Variants in KCNU1 observed in about 807,000 individuals in gnomAD.
KCNU1 encodes potassium calcium-activated channel subfamily U member 1, also known as potassium channel subfamily U member 1.
KCNU1 carries 93 observed loss-of-function variants against 126.8 expected under a neutral mutation model. The observed-to-expected ratio is 0.73, with a 90% confidence interval of 0.62 to 0.87. KCNU1 has a LOEUF of 0.87. Among genes scored for constraint, KCNU1 ranks in the 40% least tolerant of loss-of-function variants. KCNU1 has a pLI of 0.00. For synonymous variants in KCNU1, 523 were observed against 494.2 expected (o/e 1.06, Z -0.77); for missense variants, 1,330 against 1,367.1 (o/e 0.97, Z 0.43).
At chr8:36,886,604 T>C (rs760531893) in intron 19 of KCNU1, among the ~76,000 whole-genome samples, 1 of 152,154 alleles carries the variant, frequency 6.6e-6, no homozygotes, top group Non-Finnish European at 1.5e-5. Flanking sequence ...GCTATGGATA[T>C]GCATGCAACA....
chr8:36,882,520 A>G (rs999957139), intron 19 of KCNU1, among the ~76,000 whole-genome samples: 12 of 152,112 alleles, frequency 7.9e-5, no homozygotes, highest in Non-Finnish European at 1.6e-4. Flanking sequence ...GGACATTTGC[A>G]TAAACCCCAT....
chr8:36,811,199 G>A (rs1485364227), intron 7 of KCNU1, among the ~76,000 whole-genome samples: 3 of 151,956 alleles, frequency 2.0e-5, no homozygotes, highest in Non-Finnish European at 4.4e-5. Context: ...ATATCATTAG[G>A]GTATTACAGA....
intron 19 of KCNU1, among the ~76,000 whole-genome samples, chr8:36,872,372 A>T (rs1295054752): frequency 6.6e-6 from 1 of 152,114 alleles, no homozygotes; most frequent in African/African-American, 2.4e-5. Flanking sequence ...AGCCTATCGC[A>T]TGCTATGCTA....
chr8:36,902,321 TGA>T (rs1807450915), intron 19 of KCNU1, among the ~76,000 whole-genome samples: 1 of 152,286 alleles, frequency 6.6e-6, no homozygotes, highest in East Asian at 1.9e-4. Flanking sequence ...TTCCCTATTC[TGA>T]GTCATGTTAA....
At chr8:36,882,103 C>A (rs1482479920) in intron 19 of KCNU1, among the ~76,000 whole-genome samples, 1 of 152,308 alleles carries the variant, frequency 6.6e-6, no homozygotes, top group Non-Finnish European at 1.5e-5. Flanking sequence ...CTTACCACAC[C>A]TCTTGACTCC....
chr8:36,800,222 A>C (rs777690170), intron 2 of KCNU1, among the ~76,000 whole-genome samples: 5 of 152,112 alleles, frequency 3.3e-5, no homozygotes, highest in Non-Finnish European at 5.9e-5. Context: ...TGGTATGTTA[A>C]TATGCCCAAG....
intron 16 of KCNU1, among the ~76,000 whole-genome samples, chr8:36,845,211 C>A (rs1041258439): frequency 2.0e-5 from 3 of 152,132 alleles, no homozygotes; most frequent in African/African-American, 4.8e-5. Flanking sequence ...TGACGCTAAG[C>A]CTGGCAATTG....
At chr8:36,830,136 T>A (rs1804477716) in intron 10 of KCNU1, among the ~76,000 whole-genome samples, 1 of 150,210 alleles carries the variant, frequency 6.7e-6, no homozygotes, top group African/African-American at 2.4e-5. Context: ...TGTAAATCTT[T>A]ATAAATAAAA....
chr8:36,847,034 TC>T (rs1465566823), intron 18 of KCNU1, among the ~76,000 whole-genome samples: 1 of 152,180 alleles, frequency 6.6e-6, no homozygotes, highest in Non-Finnish European at 1.5e-5. Flanking sequence ...CTCCTGAGGT[TC>T]CTCATTAACT....
At chr8:36,896,555 A>T (rs1807195987) in intron 19 of KCNU1, among the ~76,000 whole-genome samples, 1 of 152,096 alleles carries the variant, frequency 6.6e-6, no homozygotes, top group Admixed American at 6.6e-5. Flanking sequence ...AGTACAGCAG[A>T]TAAAGGAATC....
chr8:36,849,199 C>CA (rs926566833), intron 18 of KCNU1, among the ~76,000 whole-genome samples: 17 of 151,392 alleles, frequency 1.1e-4, no homozygotes, highest in East Asian at 1.9e-4. Context: ...ATTTCACACA[C>CA]AAAAAAAACA....
intron 19 of KCNU1, among the ~76,000 whole-genome samples, chr8:36,871,541 C>T (rs1806103496): frequency 6.6e-6 from 1 of 152,112 alleles, no homozygotes; most frequent in Admixed American, 6.6e-5. Flanking sequence ...TTCTTAAAAG[C>T]ATCAGAATTG....
At chr8:36,882,916 T>G (rs1319391652) in intron 19 of KCNU1, among the ~76,000 whole-genome samples, 2 of 152,212 alleles carry the variant, frequency 1.3e-5, no homozygotes, top group Non-Finnish European at 2.9e-5. Context: ...TATTGCATCA[T>G]TCTATAAAAT....
At chr8:36,832,358 C>T (rs1804584905) in intron 10 of KCNU1, among the ~76,000 whole-genome samples, 2 of 152,104 alleles carry the variant, frequency 1.3e-5, no homozygotes, top group African/African-American at 2.4e-5. Context: ...GTCAATATGG[C>T]CATTTTCACG....
intron 23 of KCNU1, among the ~76,000 whole-genome samples, chr8:36,920,117 A>G (rs1229552418): frequency 6.6e-6 from 1 of 152,050 alleles, no homozygotes; most frequent in Non-Finnish European, 1.5e-5. Context: ...CTCCCCTTTG[A>G]ACCATCTCTA....
intron 24 of KCNU1, chr8:36,928,814 G>T (rs185270769): frequency 1.9e-6 from 1 of 539,492 alleles, no homozygotes; most frequent in Admixed American, 3.6e-5. Context: ...AGGAAGTATT[G>T]CTCAGTCTGA....
chr8:36,794,446 T>C (rs1405167831), intron 2 of KCNU1, among the ~76,000 whole-genome samples: 1 of 152,194 alleles, frequency 6.6e-6, no homozygotes, highest in African/African-American at 2.4e-5. Flanking sequence ...CATACACATA[T>C]GTATAATTAA....
At position 36,838,633 on chromosome 8, in the gene KCNU1, G is replaced by T. The variant is rs185923437; in HGVS notation, c.1518+1688G>T. ...AGTTGCTTGAACCCAGGAGGTGGGGGTTGCAGTGAGCTGAGATCACGCCAC... is the reference window on the plus strand; with the variant it reads ...AGTTGCTTGAACCCAGGAGGTGGGGTTTGCAGTGAGCTGAGATCACGCCAC... On this transcript the variant is annotated intron_variant, in intron 14 of 26. Transcript: ENST00000399881. Among the ~76,000 whole-genome samples, 1,164 of 152,182 alleles carry T rather than the reference G, an allele frequency of 7.6e-3. 4 individuals carry two copies. Among genetic ancestry groups the T allele is most frequent in the Non-Finnish European group, 0.013 (889 of 68,018 alleles).
At chr8:36,807,631 C>A (rs1326257802) in intron 6 of KCNU1, among the ~76,000 whole-genome samples, 181 bp downstream of exon 6, 2 of 151,656 alleles carry the variant, frequency 1.3e-5, no homozygotes, top group African/African-American at 4.9e-5. Context: ...CTTACACTAG[C>A]TGAAAACTTT....
Sources: allele counts gnomAD v4.1 joint callset (sites outside exome capture counted in the v4.1 genomes callset), GRCh38; gene constraint gnomAD v4.1.1; transcripts MANE v1.5; gene names NCBI Gene and HGNC (gene_info 2026-07-23, HGNC 2026-07-21).